Variants in CDK14 observed in about 807,000 individuals in gnomAD.
CDK14 encodes cyclin dependent kinase 14.
Under a neutral mutation model 60.7 loss-of-function variants are expected in CDK14, and 34 were observed. The observed-to-expected ratio is 0.56, with a 90% CI of 0.43 to 0.75. CDK14 has a LOEUF of 0.75. CDK14 is among the 30% of genes least tolerant of loss of function. The pLI, the probability that CDK14 is intolerant of heterozygous loss-of-function variation, is 0.00. For synonymous variants in CDK14, 197 were observed against 203.7 expected, an observed-to-expected ratio of 0.97 and a Z score of 0.28; for missense variants, 482 against 564.1, an observed-to-expected ratio of 0.85 and a Z score of 1.47.
intron 3 of CDK14, among the ~76,000 whole-genome samples, chr7:90,728,287 A>G (rs1802714302): frequency 6.6e-6 from 1 of 151,578 alleles, no homozygotes; most frequent in Non-Finnish European, 1.5e-5. Context: ...AAATTTTCTT[A>G]TATGTTTATT....
At chr7:91,195,547 A>G (rs534248103) in intron 14 of CDK14, among the ~76,000 whole-genome samples, 1 of 152,324 alleles carries the variant, frequency 6.6e-6, no homozygotes, top group African/African-American at 2.4e-5. Context: ...CTTAGTTTCT[A>G]TGTCATCATT....
chr7:91,181,060 A>G (rs1801985807), intron 14 of CDK14, among the ~76,000 whole-genome samples: 3 of 152,206 alleles, frequency 2.0e-5, no homozygotes, highest in Admixed American at 2.0e-4. Context: ...ACCTAATCAC[A>G]ACACCATGGT....
Position 90,810,510 on chromosome 7 carries a change from A to G in CDK14, c.544+19858A>G, listed in dbSNP as rs547866828. On this transcript the variant is annotated intron_variant, in intron 5 of 14. Coordinates refer to ENST00000380050, the MANE Select transcript of CDK14 (RefSeq NM_001287135.2). The stretch of plus-strand genomic sequence containing the variant: ...GCTATCTATGACAAACCCACAGCCA[A>G]TACCATACTGAATGGGCAAAAACTG... Among the ~76,000 whole-genome samples, 133 of 152,334 alleles carry G rather than the reference A, an allele frequency of 8.7e-4. 2 individuals are homozygous for G. In the East Asian group the frequency reaches 0.025, roughly 28 times the overall value.
At chr7:91,096,378 C>T (rs189322125) in intron 12 of CDK14, among the ~76,000 whole-genome samples, 1 of 152,036 alleles carries the variant, frequency 6.6e-6, no homozygotes, top group Non-Finnish European at 1.5e-5. Context: ...GAACTAAGAC[C>T]TTTTTTGCCA....
In CDK14 at chr7:90,596,698, C is replaced by G; in HGVS notation, c.71C>G (p.Ser24Trp). The G allele has an allele frequency of 3.1e-6, 5 of 1,611,990 alleles. No individual in the cohort carries two copies. The highest frequency in any genetic ancestry group is 3.4e-6 in the Non-Finnish European group (4 of 1,179,266). ...ATGAAGAAGTTGCGGAGAACTTTGT[C>G]GGAGAGTTTCAGTCGCATTGGTGAG... ...GKMKKLRRTL[S>W]ESFSRIALKK... Residue 24 changes from serine to tryptophan, a missense_variant, in exon 1 of 15, where the codon TCG (serine) becomes TGG (tryptophan). By Grantham distance (177) the Ser-to-Trp change is radical (BLOSUM62 -3). Coordinates refer to ENST00000380050, the MANE Select transcript of CDK14 (RefSeq NM_001287135.2).
chr7:91,016,533 T>G (rs772931127), intron 10 of CDK14, among the ~76,000 whole-genome samples: 6 of 152,240 alleles, frequency 3.9e-5, no homozygotes, highest in Non-Finnish European at 8.8e-5. Flanking sequence ...AAGTGAGTTA[T>G]GCATTTTAAC....
intron 2 of CDK14, among the ~76,000 whole-genome samples, chr7:90,642,211 A>G (rs892858771): frequency 6.6e-6 from 1 of 152,242 alleles, no homozygotes; most frequent in Admixed American, 6.5e-5. Flanking sequence ...TAATAGTTTC[A>G]TTTTTAAGAG....
At chr7:90,731,489 C>T (rs1802864450) in intron 3 of CDK14, among the ~76,000 whole-genome samples, 1 of 152,210 alleles carries the variant, frequency 6.6e-6, no homozygotes, top group East Asian at 1.9e-4. Flanking sequence ...GAATGTTTTT[C>T]CATTTGTTTT....
intron 4 of CDK14, among the ~76,000 whole-genome samples, chr7:90,769,958 A>C (rs144311884): frequency 6.6e-6 from 1 of 152,168 alleles, no homozygotes; most frequent in African/African-American, 2.4e-5. Flanking sequence ...ATAAACATGA[A>C]TTTTCCTCAA....
intron 4 of CDK14, among the ~76,000 whole-genome samples, chr7:90,762,552 A>G (rs1804360901): frequency 6.6e-6 from 1 of 152,244 alleles, no homozygotes; most frequent in African/African-American, 2.4e-5. Flanking sequence ...TAAAGATACC[A>G]ATTAAAAGAC....
chr7:91,169,539 G>A (rs1173173780), intron 14 of CDK14, among the ~76,000 whole-genome samples: 1 of 152,166 alleles, frequency 6.6e-6, no homozygotes, highest in Non-Finnish European at 1.5e-5. Flanking sequence ...AGCGGGCCAA[G>A]TACCCTCTCC....
chr7:90,621,033 ACAGT>A (rs753206011), intron 2 of CDK14, among the ~76,000 whole-genome samples: 12 of 152,144 alleles, frequency 7.9e-5, no homozygotes, highest in Admixed American at 1.3e-4. Flanking sequence ...ATCCCACAAG[ACAGT>A]CAGGAGCTCT....
chr7:90,796,665 GC>G (rs200578216), intron 5 of CDK14, among the ~76,000 whole-genome samples: 4,540 of 152,236 alleles, frequency 0.03, 78 homozygotes, highest in South Asian at 0.058. Flanking sequence ...TGTCTAAGGA[GC>G]AGGATCTTGT....
At chr7:90,829,175 G>A (rs1789824675) in intron 5 of CDK14, among the ~76,000 whole-genome samples, 1 of 152,042 alleles carries the variant, frequency 6.6e-6, no homozygotes, top group Non-Finnish European at 1.5e-5. Flanking sequence ...GACAATGTAG[G>A]TATTACAATT....
At chr7:90,838,972 T>TA (rs1027189907) in intron 5 of CDK14, among the ~76,000 whole-genome samples, 2 of 152,148 alleles carry the variant, frequency 1.3e-5, no homozygotes, top group East Asian at 3.9e-4. Context: ...AAATCCCTAA[T>TA]AAAAACTTGC....
At chr7:91,088,344 T>A (rs960765261) in intron 12 of CDK14, among the ~76,000 whole-genome samples, 2 of 152,186 alleles carry the variant, frequency 1.3e-5, no homozygotes, top group Non-Finnish European at 2.9e-5. Flanking sequence ...TGTTAAACGG[T>A]TATTTCCATC....
chr7:90,685,877 C>T lies in CDK14; in HGVS notation c.124-40690C>T, dbSNP rs145304066. 4.9e-3 allele frequency among the ~76,000 whole-genome samples: 751 copies of T among 152,018 alleles called. 11 individuals carry two copies. Among genetic ancestry groups the T allele is most frequent in the African/African-American group, 0.017 (712 of 41,508 alleles). ...TCCTTATTTACATTTTCTAGTTTTT[C>T]TCATATAGATACTGTATATTTCTTA... On this transcript the variant is annotated intron_variant, in intron 2 of 14. Coordinates refer to ENST00000380050, the MANE Select transcript of CDK14 (RefSeq NM_001287135.2).
chr7:90,843,782 G>T (rs1236828437), intron 5 of CDK14, among the ~76,000 whole-genome samples: 2 of 152,144 alleles, frequency 1.3e-5, no homozygotes, highest in Non-Finnish European at 2.9e-5. Context: ...GCTTGTAAAG[G>T]CATGCTGTAG....
intron 2 of CDK14, among the ~76,000 whole-genome samples, chr7:90,723,092 A>G (rs1358801250): frequency 6.6e-6 from 1 of 152,140 alleles, no homozygotes; most frequent in Admixed American, 6.5e-5. Flanking sequence ...TTTTTGGTAG[A>G]TGCTCTCTAT....
Sources: allele counts gnomAD v4.1 joint callset (sites outside exome capture counted in the v4.1 genomes callset), GRCh38; gene constraint gnomAD v4.1.1; transcripts MANE v1.5; gene names NCBI Gene and HGNC (gene_info 2026-07-23, HGNC 2026-07-21).